ACSM3: variants seen among roughly 807,000 people sequenced by gnomAD.
ACSM3 encodes the protein acyl-CoA synthetase medium chain family member 3, also known as acyl-coenzyme A synthetase ACSM3, mitochondrial.
In ACSM3, 61 loss-of-function variants were observed where a neutral mutation model predicts 74.1. That is an observed-to-expected ratio of 0.82 (90% CI 0.67 to 1.02). The LOEUF is 1.02. Among genes scored for constraint, ACSM3 ranks in the 50% least tolerant of loss-of-function variants. ACSM3 has a pLI of 0.00. For synonymous variants in ACSM3, 213 were observed against 241.5 expected (o/e 0.88, Z 1.09); for missense variants, 660 against 697.0 (o/e 0.95, Z 0.60).
intron 1 of ACSM3, chr16:20,690,882 CTGATAAGT>C: frequency 1.0e-6 from 1 of 989,340 alleles, no homozygotes; most frequent in East Asian, 2.8e-5. Flanking sequence ...TTCCACAACA[CTGATAAGT>C]TGAGGCAGAA....
rs2080334602 is a variant in ACSM3, at chr16:20,780,769, A to G, written c.694A>G (p.Ile232Val). Residue 232 changes from isoleucine (I) to valine (V), a missense_variant, in exon 5 of 14, where the codon ATA becomes GTA. Physicochemically the swap from Ile to Val is conservative, Grantham distance 29. Coordinates refer to ENST00000289416, the MANE Select transcript of ACSM3 (RefSeq NM_005622.4). Reference sequence around the variant, plus strand: ...GACAAAACACAATGAGATCATGGCCATATTCTTTACCAGTGGAACAAGTGG... The same window carrying G: ...GACAAAACACAATGAGATCATGGCCGTATTCTTTACCAGTGGAACAAGTGG... ...VKTKHNEIMA[I>V]FFTSGTSGYP... 6.2e-7 allele frequency: 1 copy of G among 1,614,084 alleles called. No individual in the cohort carries two copies. The highest frequency in any genetic ancestry group is 1.7e-5 in the Admixed American group (1 of 60,002).
chr16:20,781,616 A>G, intron 6 of ACSM3, 92 bp from the exon 7 acceptor site: 1 of 952,118 alleles, frequency 1.1e-6, no homozygotes, highest in East Asian at 2.4e-5. Context: ...ATTAACATAA[A>G]CAATGTTTAA....
At chr16:20,785,235 A>C in intron 8 of ACSM3, 128 bp downstream of exon 8, 1 of 1,320,430 alleles carries the variant, frequency 7.6e-7, no homozygotes, top group East Asian at 2.5e-5. Context: ...TGTTTAAAAA[A>C]ACAATGCTTG....
chr16:20,691,051 C>A (rs766453598), intron 1 of ACSM3: 1 of 1,613,742 alleles, frequency 6.2e-7, no homozygotes, highest in Non-Finnish European at 8.5e-7. Context: ...TAAATTCCTC[C>A]GGTACTTCAT....
At chr16:20,738,712 C>A (rs2079891788) in intron 1 of ACSM3, 1 of 637,218 alleles carries the variant, frequency 1.6e-6, no homozygotes, top group South Asian at 2.0e-5. Context: ...CACTCATAAG[C>A]CAATGCTACG....
intron 9 of ACSM3, chr16:20,789,629 C>A: frequency 9.6e-7 from 1 of 1,046,736 alleles, no homozygotes; most frequent in Non-Finnish European, 1.5e-6. Context: ...AGACCTATTG[C>A]TAAATGATAA....
intron 1 of ACSM3, among the ~76,000 whole-genome samples, chr16:20,691,435 A>G (rs1213025685): frequency 1.3e-5 from 2 of 152,136 alleles, no homozygotes; most frequent in Non-Finnish European, 2.9e-5. Context: ...TGGGGAGGTT[A>G]TATAGCTACT....
chr16:20,738,898 T>G, intron 1 of ACSM3: 1 of 1,614,140 alleles, frequency 6.2e-7, no homozygotes, highest in South Asian at 1.1e-5. Flanking sequence ...TTGTCACACC[T>G]ATCCCAAGTG....
intron 1 of ACSM3, among the ~76,000 whole-genome samples, chr16:20,698,049 C>A (rs566407541): frequency 6.6e-6 from 1 of 151,936 alleles, no homozygotes; most frequent in East Asian, 1.9e-4. Flanking sequence ...AAAAAATTAG[C>A]CGGGTGTGGT....
intron 1 of ACSM3, chr16:20,718,493 G>C: frequency 5.5e-6 from 2 of 361,436 alleles, no homozygotes; most frequent in East Asian, 1.0e-4. Flanking sequence ...GTCTGTGGAA[G>C]GTAGGGAAGA....
rs564352170 is a variant in ACSM3 at position 20,738,769 on chromosome 16, G to A, written c.-189-11141G>A. The stretch of plus-strand genomic sequence containing the variant: ...TCCACAGGCCAACTGCTAATACAGT[G>A]TACAGAAGCTGCCATCAAATGATTA... On this transcript the variant is annotated intron_variant, in intron 1 of 3. Coordinates refer to the ACSM3 transcript ENST00000561584. 1.5e-4 allele frequency: 159 copies of A among 1,075,832 alleles called. No individual in the cohort carries two copies. The African/African-American group carries it at 2.2e-3, about 15-fold the overall frequency. 66.6% of individuals were successfully genotyped at this position (1,075,832 alleles called of 1,614,324 possible).
chr16:20,748,367 A>C (rs1408053870), intron 1 of ACSM3, among the ~76,000 whole-genome samples: 2 of 152,194 alleles, frequency 1.3e-5, no homozygotes, highest in East Asian at 3.9e-4. Flanking sequence ...ATTGATTAAG[A>C]ATATATTTTA....
At position 20,742,806 on chromosome 16, in the gene ACSM3, TA is replaced by T. The variant is rs1390907997; in HGVS notation, c.-189-7103del. Among the ~76,000 whole-genome samples, 6 of 57,268 alleles carry T rather than the reference TA, an allele frequency of 1.0e-4. No individual in the cohort carries two copies. In the East Asian group the frequency reaches 1.9e-3, roughly 18 times the overall value. The allele number at this position is 57,268 out of a possible 152,430, so 37.6% of individuals were successfully genotyped here. ...TGGTGCGTGTAAATATATATATATA[TA>T]TATATATTTTTTTTTTTTCCCTTCT... On this transcript the variant is annotated intron_variant, in intron 1 of 3. Transcript: ENST00000561584.
At chr16:20,765,169 A>T (rs891061998) in intron 1 of ACSM3, among the ~76,000 whole-genome samples, 1 of 152,194 alleles carries the variant, frequency 6.6e-6, no homozygotes, top group African/African-American at 2.4e-5. Flanking sequence ...TGTCTTTCTT[A>T]GAAGAGTTTT....
intron 3 of ACSM3, among the ~76,000 whole-genome samples, chr16:20,758,110 T>A (rs1175402079): frequency 6.6e-6 from 1 of 152,226 alleles, no homozygotes; most frequent in African/African-American, 2.4e-5. Flanking sequence ...TTTGGTTGTG[T>A]CTCTGCCCGG....
intron 1 of ACSM3, among the ~76,000 whole-genome samples, chr16:20,687,567 C>T (rs1407772258): frequency 6.6e-6 from 1 of 151,994 alleles, no homozygotes; most frequent in Non-Finnish European, 1.5e-5. Context: ...ATAAAGCACA[C>T]AAAGGAGCAG....
At chr16:20,747,086 A>C (rs78830282) in intron 1 of ACSM3, among the ~76,000 whole-genome samples, 19 of 151,100 alleles carry the variant, frequency 1.3e-4, no homozygotes, top group African/African-American at 4.4e-4. Context: ...AAAAAAAAAA[A>C]CAAGTTTTCT....
chr16:20,699,925 A>T (rs1334929285), intron 1 of ACSM3, among the ~76,000 whole-genome samples: 2 of 152,186 alleles, frequency 1.3e-5, no homozygotes, highest in Non-Finnish European at 2.9e-5. Flanking sequence ...ACCTCTCTTA[A>T]AGCTAAAGTG....
intron 1 of ACSM3, among the ~76,000 whole-genome samples, chr16:20,707,468 G>A (rs539055191): frequency 2.4e-4 from 36 of 152,250 alleles, no homozygotes; most frequent in African/African-American, 8.4e-4. Flanking sequence ...TTCACAAACC[G>A]GACAACAGGC....
Sources: allele counts gnomAD v4.1 joint callset (sites outside exome capture counted in the v4.1 genomes callset), GRCh38; gene constraint gnomAD v4.1.1; transcripts MANE v1.5; gene names NCBI Gene and HGNC (gene_info 2026-07-23, HGNC 2026-07-21).